The following PTPRN2 variants were observed in gnomAD, a reference collection of about 807,000 sequenced individuals.
PTPRN2 encodes protein tyrosine phosphatase receptor type N2, also known as receptor-type tyrosine-protein phosphatase N2.
A neutral mutation model predicts 118.8 loss-of-function variants in PTPRN2; 74 were observed. The ratio of observed to expected loss-of-function variants is 0.62; its 90% confidence interval spans 0.52 to 0.76. The LOEUF (loss-of-function observed/expected upper bound fraction) is 0.76. Among genes scored for constraint, PTPRN2 ranks in the 30% least tolerant of loss-of-function variants. The pLI is 0.00. For missense variants in PTPRN2, 1,481 were observed against 1,394.4 expected, an observed-to-expected ratio of 1.06 and a Z score of -0.99; for synonymous variants, 641 against 608.0, an observed-to-expected ratio of 1.05 and a Z score of -0.80.
chr7:157,595,539 G>GCCAGAAGGTTAGGAAT (rs1801264060), intron 16 of PTPRN2, among the ~76,000 whole-genome samples: 1 of 109,316 alleles, frequency 9.1e-6, no homozygotes, highest in Non-Finnish European at 1.9e-5. Flanking sequence ...AGGTTAGGAA[G>GCCAGAAGGTTAGGAAT]CCAGGAGGTT....
intron 12 of PTPRN2, among the ~76,000 whole-genome samples, chr7:157,836,864 A>C (rs1807971677): frequency 6.6e-6 from 1 of 151,784 alleles, no homozygotes. Context: ...CCATCCATCC[A>C]TCCATCCCCC....
At chr7:158,312,924 G>T (rs1801978591) in intron 3 of PTPRN2, among the ~76,000 whole-genome samples, 1 of 151,432 alleles carries the variant, frequency 6.6e-6, no homozygotes, top group Non-Finnish European at 1.5e-5. Flanking sequence ...ATGTCTACAT[G>T]TCAGCATGTC....
At chr7:157,656,232 G>A (rs951147293) in intron 14 of PTPRN2, 125 bp downstream of exon 14, 20 of 954,216 alleles carry the variant, frequency 2.1e-5, no homozygotes, top group Non-Finnish European at 2.6e-5. Context: ...CCTCTGCAGC[G>A]GGCAGGGTGC....
At chr7:158,151,523 G>C (rs953208724) in intron 6 of PTPRN2, among the ~76,000 whole-genome samples, 25 of 28,556 alleles carry the variant, frequency 8.8e-4, no homozygotes, top group Non-Finnish European at 1.1e-3. Context: ...CTCACCGCAC[G>C]TCCTACTCCA....
chr7:158,581,064 G>A (rs1204829114), intron 1 of PTPRN2, among the ~76,000 whole-genome samples: 1 of 152,186 alleles, frequency 6.6e-6, no homozygotes, highest in Non-Finnish European at 1.5e-5. Flanking sequence ...AGTTTGACAA[G>A]TGAAATGGTC....
At chr7:157,857,821 G>A (rs1384078168) in intron 12 of PTPRN2, 1 of 152,558 alleles carries the variant, frequency 6.6e-6, no homozygotes, top group African/African-American at 2.4e-5. Context: ...GATGTGAGCA[G>A]GCGTGGTCCT....
chr7:158,504,495 C>T (rs947988433), intron 1 of PTPRN2, among the ~76,000 whole-genome samples: 6 of 152,308 alleles, frequency 3.9e-5, no homozygotes, highest in African/African-American at 7.2e-5. Flanking sequence ...AACAGCTTCC[C>T]GCTCCATCCA....
intron 3 of PTPRN2, among the ~76,000 whole-genome samples, chr7:158,293,161 G>A (rs969890743): frequency 1.3e-5 from 2 of 152,152 alleles, no homozygotes; most frequent in African/African-American, 4.8e-5. Flanking sequence ...CAGTGAGGGT[G>A]GGGTGGGTGA....
At chr7:157,799,176 C>T (rs1472972810) in intron 12 of PTPRN2, among the ~76,000 whole-genome samples, 1 of 152,128 alleles carries the variant, frequency 6.6e-6, no homozygotes, top group African/African-American at 2.4e-5. Context: ...ACGCTGTGTG[C>T]TCGTGGGGAG....
chr7:158,221,975 T>C (rs1177607518), intron 3 of PTPRN2, among the ~76,000 whole-genome samples: 1 of 152,066 alleles, frequency 6.6e-6, no homozygotes, highest in Non-Finnish European at 1.5e-5. Context: ...GTAGGAAAAA[T>C]GTTCATCATT....
At chr7:157,936,505 C>T (rs1799707039) in intron 11 of PTPRN2, among the ~76,000 whole-genome samples, 1 of 152,182 alleles carries the variant, frequency 6.6e-6, no homozygotes, top group African/African-American at 2.4e-5. Context: ...CACCACCTCT[C>T]CCTGTTCTCC....
At chr7:158,336,250 TCACTCG>T (rs1489548341) in intron 2 of PTPRN2, among the ~76,000 whole-genome samples, 36 of 44,416 alleles carry the variant, frequency 8.1e-4, no homozygotes, top group African/African-American at 2.7e-3. Context: ...CCCACACACG[TCACTCG>T]CACTCACACT....
At chr7:158,106,564 G>A (rs1379107867) in intron 10 of PTPRN2, among the ~76,000 whole-genome samples, 1 of 152,168 alleles carries the variant, frequency 6.6e-6, no homozygotes, top group African/African-American at 2.4e-5. Flanking sequence ...GTGCCACTTT[G>A]GGAATATCCA....
At chr7:158,211,092 A>G (rs1328249803) in intron 3 of PTPRN2, among the ~76,000 whole-genome samples, 1 of 152,206 alleles carries the variant, frequency 6.6e-6, no homozygotes, top group African/African-American at 2.4e-5. Flanking sequence ...TCTCTTCTAT[A>G]AATGGTGCTG....
intron 13 of PTPRN2, among the ~76,000 whole-genome samples, chr7:157,666,017 G>C (rs565518754): frequency 1.3e-5 from 2 of 152,210 alleles, no homozygotes; most frequent in Non-Finnish European, 2.9e-5. Context: ...GTAGCATTAG[G>C]AGAAATACCT....
intron 3 of PTPRN2, among the ~76,000 whole-genome samples, chr7:158,206,112 C>T (rs1053352081): frequency 6.6e-6 from 1 of 152,178 alleles, no homozygotes; most frequent in African/African-American, 2.4e-5. Context: ...ACTAAGGGTG[C>T]TAGTGTCACC....
At chr7:158,584,112 C>T (rs1336925435) in intron 1 of PTPRN2, among the ~76,000 whole-genome samples, 1 of 152,156 alleles carries the variant, frequency 6.6e-6, no homozygotes, top group Non-Finnish European at 1.5e-5. Flanking sequence ...GTCTTCACAG[C>T]CAGGTGCACC....
At chr7:158,074,451 C>T (rs1812192839) in intron 11 of PTPRN2, among the ~76,000 whole-genome samples, 1 of 152,196 alleles carries the variant, frequency 6.6e-6, no homozygotes, top group South Asian at 2.1e-4. Context: ...CACTTCAAAA[C>T]TCTCACTCAT....
At chr7:157,706,594 C>T (rs59204129) in intron 12 of PTPRN2, among the ~76,000 whole-genome samples, 9 of 151,064 alleles carry the variant, frequency 6.0e-5, no homozygotes, top group Non-Finnish European at 7.4e-5. Context: ...ATGCTGGGAA[C>T]TGGGTGAATC....
Sources: gnomAD v4.1 joint callset for allele counts (sites outside exome capture counted in the v4.1 genomes callset) on GRCh38, gnomAD v4.1.1 for gene constraint, MANE v1.5 for transcripts, NCBI Gene and HGNC (gene_info 2026-07-23, HGNC 2026-07-21) for gene names.